SLC36A1: variants seen among roughly 807,000 people sequenced by gnomAD.
SLC36A1 encodes solute carrier family 36 member 1.
In SLC36A1, 30 loss-of-function variants were observed where a neutral mutation model predicts 47.5. The ratio of observed to expected loss-of-function variants is 0.63; its 90% CI spans 0.47 to 0.86. SLC36A1 has a LOEUF of 0.86. SLC36A1 is among the 40% of genes least tolerant of loss of function. The probability of loss-of-function intolerance (pLI) is 0.00; values close to 1 mark genes in which losing one functional copy is unlikely to be tolerated. For missense variants in SLC36A1, 517 were observed against 606.0 expected (o/e 0.85, Z 1.54); for synonymous variants, 255 against 249.7 (o/e 1.02, Z -0.20).
chr5:151,373,619 A>T, the SLC36A1 span, among the ~76,000 whole-genome samples: 1 of 152,228 alleles, frequency 6.6e-6, no homozygotes, highest in East Asian at 1.9e-4. Context: ...TGTTCTATAA[A>T]AGTTAAATTC....
intron 1 of SLC36A1, among the ~76,000 whole-genome samples, chr5:151,458,344 T>TCCC (rs1202282949): frequency 1.8e-4 from 21 of 117,504 alleles, no homozygotes; most frequent in Non-Finnish European, 2.6e-4. Flanking sequence ...GGGATATTTA[T>TCCC]ATATATATAT....
At chr5:151,394,826 C>T in the SLC36A1 span, among the ~76,000 whole-genome samples, 1 of 152,208 alleles carries the variant, frequency 6.6e-6, no homozygotes, top group African/African-American at 2.4e-5. Flanking sequence ...GGGGGTGCCT[C>T]CAAGTTAGGC....
At chr5:151,521,573 C>A in the SLC36A1 span, 1 of 1,614,072 alleles carries the variant, frequency 6.2e-7, no homozygotes. Flanking sequence ...ACGGCCTCTG[C>A]AGGCTGGAGG....
the SLC36A1 span, among the ~76,000 whole-genome samples, chr5:151,424,700 A>G: frequency 1.3e-5 from 2 of 152,158 alleles, no homozygotes; most frequent in Admixed American, 6.5e-5. Flanking sequence ...AATAATAATA[A>G]TAGAAACCAT....
chr5:151,555,616 C>T, the SLC36A1 span, among the ~76,000 whole-genome samples: 7 of 152,054 alleles, frequency 4.6e-5, no homozygotes, highest in Non-Finnish European at 8.8e-5. Flanking sequence ...GTGATCTGCC[C>T]GCCTCAGCCT....
the SLC36A1 span, chr5:151,550,658 C>A: frequency 6.2e-7 from 1 of 1,614,166 alleles, no homozygotes; most frequent in Non-Finnish European, 8.5e-7. Context: ...ACCAGGACAC[C>A]ACTGCTTGGG....
At chr5:151,478,612 T>C (rs1473068553) in intron 9 of SLC36A1, among the ~76,000 whole-genome samples, 1 of 152,310 alleles carries the variant, frequency 6.6e-6, no homozygotes, top group East Asian at 1.9e-4. Flanking sequence ...TTTGAAGGCA[T>C]GTACACCTGT....
At chr5:151,535,742 G>A in the SLC36A1 span, among the ~76,000 whole-genome samples, 1 of 152,174 alleles carries the variant, frequency 6.6e-6, no homozygotes. Context: ...CTGGGTAAGG[G>A]GGTAGAGTCT....
intron 10 of SLC36A1, 64 bp downstream of exon 10, chr5:151,479,553 T>C: frequency 6.4e-7 from 1 of 1,565,912 alleles, no homozygotes; most frequent in Admixed American, 1.7e-5. Context: ...CTGCAGGCTT[T>C]CATGAGAAAA....
At chr5:151,355,401 T>G in the SLC36A1 span, among the ~76,000 whole-genome samples, 1 of 152,312 alleles carries the variant, frequency 6.6e-6, no homozygotes, top group East Asian at 1.9e-4. Context: ...AGTGCCACAA[T>G]ACGACATACT....
At chr5:151,474,159 C>CAAAAAAAAAA (rs1156305401) in intron 8 of SLC36A1, among the ~76,000 whole-genome samples, 23 of 59,856 alleles carry the variant, frequency 3.8e-4, no homozygotes, top group East Asian at 1.7e-3. Flanking sequence ...GACTCTGTCT[C>CAAAAAAAAAA]AAAAAAAAAA....
the SLC36A1 span, among the ~76,000 whole-genome samples, chr5:151,357,329 C>G: frequency 1.3e-5 from 2 of 152,196 alleles, no homozygotes; most frequent in Admixed American, 6.5e-5. Context: ...TGACAAAACC[C>G]ATCATTGTTC....
chr5:151,345,291 T>C, the SLC36A1 span, among the ~76,000 whole-genome samples: 2 of 152,192 alleles, frequency 1.3e-5, no homozygotes, highest in Admixed American at 1.3e-4. Context: ...AGAGGTACTC[T>C]GAAAGGAGCC....
intron 1 of SLC36A1, among the ~76,000 whole-genome samples, chr5:151,440,317 G>A (rs960165573): frequency 6.6e-6 from 1 of 152,154 alleles, no homozygotes; most frequent in Admixed American, 6.5e-5. Context: ...CTGGCACATT[G>A]TAAGCATATT....
Position 151,491,572 on chromosome 5 carries a change from T to C in SLC36A1, c.*3318T>C, listed in dbSNP as rs1437217610. ...CATTCTCTCTGTTTAGCACTAATGT[T>C]CACCTCGTATTTTTTGGAAGTGCAA... On this transcript the variant is annotated 3_prime_UTR_variant, in exon 11 of 11. Coordinates refer to ENST00000243389, the MANE Select transcript of SLC36A1 (RefSeq NM_078483.4). 6.5e-6 allele frequency: 1 copy of C among 152,684 alleles called. No homozygotes were observed. The highest frequency in any genetic ancestry group is 1.5e-5 in the Non-Finnish European group (1 of 68,044). 9.5% of individuals were successfully genotyped at this position (152,684 alleles called of 1,614,324 possible).
chr5:151,546,187 A>T, the SLC36A1 span: 1 of 1,614,184 alleles, frequency 6.2e-7, no homozygotes, highest in South Asian at 1.1e-5. Context: ...GACATGAATG[A>T]TCACTGTAGC....
chr5:151,358,779 C>T, the SLC36A1 span, among the ~76,000 whole-genome samples: 6 of 151,932 alleles, frequency 3.9e-5, no homozygotes, highest in Admixed American at 2.0e-4. Flanking sequence ...CGAGACCATC[C>T]TGGCTAACAA....
the SLC36A1 span, among the ~76,000 whole-genome samples, chr5:151,547,631 A>C: frequency 2.0e-5 from 3 of 152,210 alleles, no homozygotes; most frequent in Non-Finnish European, 4.4e-5. Context: ...TTGTCATATA[A>C]CCGCTAAATT....
the SLC36A1 span, chr5:151,537,873 A>C: frequency 6.2e-7 from 1 of 1,614,188 alleles, no homozygotes; most frequent in South Asian, 1.1e-5. Context: ...ATCAGTGTCC[A>C]AGTCTGTGGC....
Sources: allele counts gnomAD v4.1 joint callset (sites outside exome capture counted in the v4.1 genomes callset), GRCh38; gene constraint gnomAD v4.1.1; transcripts MANE v1.5; gene names NCBI Gene and HGNC (gene_info 2026-07-23, HGNC 2026-07-21).